NOX4: variants seen among roughly 807,000 people sequenced by gnomAD.
NOX4 encodes the protein NADPH oxidase 4, also known as kidney oxidase-1.
A neutral mutation model predicts 87.6 loss-of-function variants in NOX4; 69 were observed. The ratio of observed to expected loss-of-function variants is 0.79; its 90% CI spans 0.65 to 0.96. NOX4 has a LOEUF of 0.96. Ranked by LOEUF, NOX4 falls within the 40% of genes least tolerant of loss-of-function variation. The pLI is 0.00. For missense variants in NOX4, 680 were observed against 681.5 expected (o/e 1.00, Z 0.02); for synonymous variants, 275 against 238.2 (o/e 1.15, Z -1.42).
intron 11 of NOX4, among the ~76,000 whole-genome samples, chr11:89,396,010 C>T (rs755272156): frequency 3.3e-5 from 5 of 152,040 alleles, no homozygotes; most frequent in Non-Finnish European, 7.4e-5. Flanking sequence ...TCCATAGGAA[C>T]TTTAAAGTAG....
Position 89,339,998 on chromosome 11 carries a change from T to A in NOX4, c.1446+65A>T, listed in dbSNP as rs1341970615. The A allele has an allele frequency of 3.9e-6, 3 of 770,152 alleles. No individual in the cohort carries two copies. In the African/African-American group the frequency reaches 5.5e-5, roughly 14 times the overall value. 47.7% of individuals were successfully genotyped at this position (770,152 alleles called of 1,614,324 possible). A position where few individuals can be genotyped will look rare whatever the true frequency, so the allele number is the denominator to read the frequency against. On this transcript the variant is annotated intron_variant, in intron 15 of 17. Coordinates refer to ENST00000263317, the MANE Select transcript of NOX4 (RefSeq NM_016931.5). Reference sequence around the variant, plus strand: ...CTATGGCAAGCATTTATTGCTTTTGTAATATAAAAGCTATAACATTTTTAA... The same window carrying A: ...CTATGGCAAGCATTTATTGCTTTTGAAATATAAAAGCTATAACATTTTTAA...
the NOX4 span, among the ~76,000 whole-genome samples, chr11:89,506,844 C>G: frequency 6.6e-6 from 1 of 151,800 alleles, no homozygotes; most frequent in African/African-American, 2.4e-5. Flanking sequence ...TTATTAAGAA[C>G]AAGTAAATTA....
At chr11:89,355,289 G>A (rs75502908) in intron 12 of NOX4, among the ~76,000 whole-genome samples, 4 of 146,964 alleles carry the variant, frequency 2.7e-5, no homozygotes, top group Admixed American at 6.9e-5. Flanking sequence ...AGCCATTAAG[G>A]ATAAATAGGT....
chr11:89,443,346 T>G (rs750392669), intron 5 of NOX4: 1 of 149,484 alleles, frequency 6.7e-6, no homozygotes, highest in African/African-American at 2.5e-5. Context: ...GTGGGGAAGG[T>G]GGGGAAAAAA....
intron 11 of NOX4, among the ~76,000 whole-genome samples, chr11:89,381,813 A>G (rs1940307319): frequency 1.3e-5 from 2 of 152,164 alleles, no homozygotes; most frequent in African/African-American, 4.8e-5. Flanking sequence ...CCAATTTTAA[A>G]TCGGGTAAGC....
the NOX4 span, chr11:89,576,986 T>C: frequency 6.6e-6 from 1 of 152,128 alleles, no homozygotes; most frequent in Non-Finnish European, 1.5e-5. Context: ...ATGTGAAGAA[T>C]GCCAGAGGCT....
chr11:89,356,072 A>C (rs565605466), intron 12 of NOX4, among the ~76,000 whole-genome samples: 1 of 152,318 alleles, frequency 6.6e-6, no homozygotes, highest in African/African-American at 2.4e-5. Context: ...AACAGAACAT[A>C]ATTTTTATTG....
the NOX4 span, among the ~76,000 whole-genome samples, chr11:89,585,620 T>C: frequency 6.6e-6 from 1 of 152,188 alleles, no homozygotes; most frequent in African/African-American, 2.4e-5. Context: ...AAACTTCATT[T>C]ACAAAACAAG....
At chr11:89,491,644 C>A, upstream of NOX4, 1 of 235,180 alleles carries the variant, frequency 4.3e-6, no homozygotes, top group Non-Finnish European at 8.2e-6. Flanking sequence ...AGCCTCTACC[C>A]AGGCCTGCCA....
chr11:89,579,244 A>G, the NOX4 span, among the ~76,000 whole-genome samples: 1 of 152,322 alleles, frequency 6.6e-6, no homozygotes, highest in Admixed American at 6.5e-5. Context: ...GCCATTATTC[A>G]TTTATCAAAA....
the NOX4 span, among the ~76,000 whole-genome samples, chr11:89,558,369 T>C: frequency 6.6e-6 from 1 of 152,236 alleles, no homozygotes; most frequent in East Asian, 1.9e-4. Context: ...AGAGTTAATT[T>C]TAATATCTCA....
chr11:89,369,744 A>ATTTATTTG (rs545495267), intron 12 of NOX4, among the ~76,000 whole-genome samples: 8 of 150,084 alleles, frequency 5.3e-5, no homozygotes, highest in East Asian at 4.0e-4. Flanking sequence ...TTATTTATTT[A>ATTTATTTG]TTTGTTTGTT....
At chr11:89,339,577 T>C (rs1945884713) in intron 15 of NOX4, among the ~76,000 whole-genome samples, 1 of 152,152 alleles carries the variant, frequency 6.6e-6, no homozygotes, top group African/African-American at 2.4e-5. Context: ...GCTTTATCTC[T>C]GCAAAAAATA....
At chr11:89,538,844 C>G in the NOX4 span, among the ~76,000 whole-genome samples, 1 of 151,958 alleles carries the variant, frequency 6.6e-6, no homozygotes, top group Non-Finnish European at 1.5e-5. Context: ...TTGTGTCCCC[C>G]TCAATTTCAT....
chr11:89,421,703 T>C (rs1227051516), intron 8 of NOX4, among the ~76,000 whole-genome samples, 199 bp downstream of exon 8: 2 of 152,162 alleles, frequency 1.3e-5, no homozygotes, highest in Non-Finnish European at 2.9e-5. Context: ...TAGTATACTT[T>C]ATACTGGTTT....
the NOX4 span, among the ~76,000 whole-genome samples, chr11:89,583,831 C>T: frequency 1.3e-5 from 2 of 151,910 alleles, no homozygotes; most frequent in Admixed American, 6.6e-5. Context: ...CTTTGTTTAC[C>T]CAGGACTACT....
intron 13 of NOX4, among the ~76,000 whole-genome samples, chr11:89,354,020 T>A (rs1172212811): frequency 6.6e-6 from 1 of 152,192 alleles, no homozygotes; most frequent in Non-Finnish European, 1.5e-5. Flanking sequence ...ATTTTTGTGA[T>A]CATAATTAAG....
the NOX4 span, among the ~76,000 whole-genome samples, chr11:89,544,805 T>A: frequency 6.6e-6 from 1 of 152,128 alleles, no homozygotes; most frequent in Admixed American, 6.5e-5. Flanking sequence ...CACATGTACC[T>A]TATTTCAAAG....
chr11:89,549,027 T>G, the NOX4 span, among the ~76,000 whole-genome samples: 29 of 152,210 alleles, frequency 1.9e-4, no homozygotes, highest in Non-Finnish European at 4.3e-4. Flanking sequence ...TTTCTTAAAT[T>G]GGAGAATGTT....
Sources: gnomAD v4.1 joint callset for allele counts (sites outside exome capture counted in the v4.1 genomes callset) on GRCh38, gnomAD v4.1.1 for gene constraint, MANE v1.5 for transcripts, NCBI Gene and HGNC (gene_info 2026-07-23, HGNC 2026-07-21) for gene names.